The following PDE10A variants were observed in gnomAD, a reference collection of about 807,000 sequenced individuals.
PDE10A encodes phosphodiesterase 10A.
Under a neutral mutation model 97.7 loss-of-function variants are expected in PDE10A, and 39 were observed. The observed-to-expected ratio is 0.40, with a 90% CI of 0.31 to 0.52. The LOEUF is 0.52. Among genes scored for constraint, PDE10A ranks in the 20% least tolerant of loss-of-function variants. The probability of loss-of-function intolerance (pLI) is 0.56; values close to 1 mark genes in which losing one functional copy is unlikely to be tolerated. For synonymous variants in PDE10A, 371 were observed against 376.8 expected, an observed-to-expected ratio of 0.98 and a Z score of 0.18; for missense variants, 731 against 1,047.8, an observed-to-expected ratio of 0.70 and a Z score of 4.17.
intron 3 of PDE10A, among the ~76,000 whole-genome samples, chr6:165,457,725 C>T (rs1778043882): frequency 6.6e-6 from 1 of 152,092 alleles, no homozygotes; most frequent in South Asian, 2.1e-4. Context: ...CACTCTCTTG[C>T]CTAGGGGGAA....
intron 5 of PDE10A, among the ~76,000 whole-genome samples, chr6:165,441,826 G>GA (rs766218723): frequency 6.6e-5 from 10 of 152,128 alleles, no homozygotes; most frequent in Non-Finnish European, 1.0e-4. Context: ...CTGGTTTGCA[G>GA]AAAGGTAATA....
At chr6:165,603,931 C>T (rs1382155334) in intron 1 of PDE10A, among the ~76,000 whole-genome samples, 1 of 152,194 alleles carries the variant, frequency 6.6e-6, no homozygotes, top group East Asian at 1.9e-4. Flanking sequence ...ACTGATCATG[C>T]AAACTGGAGC....
intron 18 of PDE10A, among the ~76,000 whole-genome samples, chr6:165,360,390 G>A (rs1029142326): frequency 3.3e-5 from 5 of 152,156 alleles, no homozygotes; most frequent in South Asian, 2.1e-4. Flanking sequence ...CTCTGCTTTC[G>A]TTCCACTGCC....
intron 1 of PDE10A, among the ~76,000 whole-genome samples, chr6:165,691,591 GCA>G (rs965998795): frequency 0.082 from 4,253 of 51,582 alleles, 180 homozygotes; most frequent in African/African-American, 0.16. Flanking sequence ...GCACGCGCGC[GCA>G]CACACACACA....
chr6:165,396,647 C>A (rs220790), intron 13 of PDE10A, among the ~76,000 whole-genome samples, 188 bp from the exon 14 acceptor site: 113,860 of 152,118 alleles, frequency 0.75, 43,868 homozygotes, highest in African/African-American at 0.91. Context: ...AAAAGAAATG[C>A]TTTTTTTAAA....
chr6:165,440,072 T>G (rs1790322168), intron 5 of PDE10A, among the ~76,000 whole-genome samples: 1 of 152,190 alleles, frequency 6.6e-6, no homozygotes, highest in African/African-American at 2.4e-5. Context: ...AAAAAGTATT[T>G]AGGTTTACCA....
chr6:165,409,755 G>GT (rs35663064), intron 13 of PDE10A: 2 of 152,012 alleles, frequency 1.3e-5, no homozygotes, highest in Admixed American at 1.3e-4. Flanking sequence ...TTGTGATGGG[G>GT]TTTGAAGTGT....
intron 3 of PDE10A, among the ~76,000 whole-genome samples, chr6:165,453,988 G>C (rs576652880): frequency 6.6e-6 from 1 of 152,324 alleles, no homozygotes; most frequent in Non-Finnish European, 1.5e-5. Flanking sequence ...CAAGGCCTAG[G>C]GAGCCTAACC....
chr6:165,955,333 G>C (rs149592521), intron 1 of PDE10A, among the ~76,000 whole-genome samples: 5 of 152,088 alleles, frequency 3.3e-5, no homozygotes, highest in African/African-American at 1.2e-4. Context: ...GGATCTTTGC[G>C]ATAACTTCCA....
At chr6:165,719,363 G>T (rs1431107865) in intron 1 of PDE10A, among the ~76,000 whole-genome samples, 1 of 152,188 alleles carries the variant, frequency 6.6e-6, no homozygotes, top group African/African-American at 2.4e-5. Context: ...GAGAGGGAAA[G>T]CAGCCAGCAG....
intron 1 of PDE10A, among the ~76,000 whole-genome samples, chr6:165,954,186 C>A (rs1784059842): frequency 1.3e-5 from 2 of 152,074 alleles, no homozygotes; most frequent in African/African-American, 4.8e-5. Flanking sequence ...CAGTTTGGGG[C>A]AATTATAAAT....
chr6:165,730,970 A>G (rs1380140021), intron 1 of PDE10A, among the ~76,000 whole-genome samples: 2 of 149,792 alleles, frequency 1.3e-5, no homozygotes, highest in East Asian at 2.0e-4. Context: ...CGCTTGAACC[A>G]GGGAGGCGGA....
chr6:165,407,273 G>T (rs1298040116), intron 13 of PDE10A, among the ~76,000 whole-genome samples: 3 of 152,132 alleles, frequency 2.0e-5, no homozygotes, highest in African/African-American at 7.2e-5. Context: ...TCAGAGAGAA[G>T]CCAGCACACT....
chr6:165,824,000 G>T (rs1779654974), intron 1 of PDE10A, among the ~76,000 whole-genome samples: 1 of 152,198 alleles, frequency 6.6e-6, no homozygotes, highest in South Asian at 2.1e-4. Context: ...TAGTTTAAAA[G>T]TCCCAAAGGT....
chr6:165,337,941 G>A (rs1781746177), intron 20 of PDE10A, among the ~76,000 whole-genome samples: 1 of 152,052 alleles, frequency 6.6e-6, no homozygotes, highest in Non-Finnish European at 1.5e-5. Flanking sequence ...AGAAAATATA[G>A]GCAAATATAT....
At chr6:165,979,999 T>C (rs1784964115) in intron 1 of PDE10A, among the ~76,000 whole-genome samples, 1 of 152,228 alleles carries the variant, frequency 6.6e-6, no homozygotes, top group Admixed American at 6.5e-5. Context: ...CGCCTATGTA[T>C]TGTTACTGAG....
At position 165,448,935 on chromosome 6, in the gene PDE10A, C is replaced by A; in HGVS notation, c.1187G>T (p.Cys396Phe). Reference protein sequence around the residue: ...DGFALYFLGECNNSLCIFTPP... With the variant: ...DGFALYFLGEFNNSLCIFTPP... Reference sequence around the variant, plus strand: ...CTAAATTTAGATACTTACATTATTGCACTCTCCAAGGAAATACAGTGCAAA... The same window carrying A: ...CTAAATTTAGATACTTACATTATTGAACTCTCCAAGGAAATACAGTGCAAA... Residue 396 changes from cysteine (C) to phenylalanine (F), a missense_variant, in exon 5 of 22, where the codon TGC (cysteine) becomes TTC (phenylalanine). Cys to Phe is a radical substitution (Grantham distance 205). Transcript: ENST00000539869. 2 of 1,606,778 alleles carry A rather than the reference C, an allele frequency of 1.2e-6. No homozygotes were observed.
chr6:165,859,201 C>A (rs143633632), intron 1 of PDE10A, among the ~76,000 whole-genome samples: 215 of 152,314 alleles, frequency 1.4e-3, no homozygotes, highest in African/African-American at 5.1e-3. Flanking sequence ...CTGAAACTCA[C>A]GCCAGGATGA....
At chr6:165,400,734 T>C (rs1437857891) in intron 13 of PDE10A, among the ~76,000 whole-genome samples, 3 of 152,212 alleles carry the variant, frequency 2.0e-5, no homozygotes, top group Non-Finnish European at 4.4e-5. Context: ...TGAAAGTCTA[T>C]GGCCACTTAA....
Sources: allele counts gnomAD v4.1 joint callset (sites outside exome capture counted in the v4.1 genomes callset), GRCh38; gene constraint gnomAD v4.1.1; transcripts MANE v1.5; gene names NCBI Gene and HGNC (gene_info 2026-07-23, HGNC 2026-07-21).